IQSEC2: variants seen among roughly 807,000 people sequenced by gnomAD.
IQSEC2 encodes IQ motif and SEC7 domain-containing protein 2.
A neutral mutation model predicts 74.6 loss-of-function variants in IQSEC2; 6 were observed. The observed-to-expected ratio is 0.08, with a 90% confidence interval of 0.04 to 0.16. IQSEC2 has a LOEUF of 0.16. Ranked by LOEUF, IQSEC2 falls within the 10% of genes least tolerant of loss-of-function variation. IQSEC2 has a pLI of 1.00. For missense variants in IQSEC2, 734 were observed against 1,306.2 expected (o/e 0.56, Z 6.75); for synonymous variants, 494 against 544.5 (o/e 0.91, Z 1.29).
At chrX:53,251,433 A>C (rs1209262636) in intron 4 of IQSEC2, among the ~76,000 whole-genome samples, 1 of 110,746 alleles carries the variant, frequency 9.0e-6, no homozygotes, top group Admixed American at 9.5e-5. Flanking sequence ...CTCACACCCC[A>C]ATACCTCCTT....
intron 2 of IQSEC2, among the ~76,000 whole-genome samples, chrX:53,274,651 C>T (rs949052024): frequency 4.6e-5 from 5 of 108,238 alleles, no homozygotes; most frequent in Non-Finnish European, 7.6e-5. Flanking sequence ...TTACTAGAGA[C>T]GGAGTTTCAC....
intron 1 of IQSEC2, among the ~76,000 whole-genome samples, chrX:53,292,397 C>T (rs1026665056): frequency 1.8e-5 from 2 of 111,979 alleles, no homozygotes; most frequent in Admixed American, 9.5e-5. Context: ...TCAGTCTCCC[C>T]GTTTGTGACA....
chrX:53,242,727 C>T (rs1204589168), intron 9 of IQSEC2, among the ~76,000 whole-genome samples: 1 of 110,689 alleles, frequency 9.0e-6, no homozygotes, highest in Admixed American at 9.5e-5. Context: ...TTGGCTAAAG[C>T]GTTTTCTTTT....
intron 1 of IQSEC2, among the ~76,000 whole-genome samples, chrX:53,309,965 G>T (rs1556877630): frequency 9.0e-6 from 1 of 111,322 alleles, no homozygotes; most frequent in East Asian, 2.8e-4. Context: ...CATTGTCCAT[G>T]GGAGATTTCA....
intron 3 of IQSEC2, 51 bp from the exon 4 acceptor site, chrX:53,254,982 A>G: frequency 8.7e-7 from 1 of 1,143,815 alleles, no homozygotes; most frequent in East Asian, 3.0e-5. Context: ...TGGCAGCCTC[A>G]TCTCCCTAGG....
intron 2 of IQSEC2, among the ~76,000 whole-genome samples, chrX:53,275,613 TA>T (rs781884367): frequency 2.7e-4 from 30 of 112,151 alleles, no homozygotes; most frequent in African/African-American, 9.7e-4. Context: ...AGTTTGTGTC[TA>T]AACTCTCTAT....
rs372283010 is a variant in IQSEC2, at chrX:53,248,923, G to A, written c.2298-41C>T. ...AGGTAGATGAGATGACTGTCCTCCT[G>A]GAACTGTGCTCTCTGTCTCATTTGT... On this transcript the variant is annotated intron_variant, in intron 5 of 14. Coordinates refer to ENST00000642864, the MANE Select transcript of IQSEC2 (RefSeq NM_001111125.3). 3.1e-5 allele frequency: 36 copies of A among 1,171,830 alleles called. No homozygotes were observed. In the African/African-American group the frequency reaches 6.0e-4, roughly 20 times the overall value.
At chrX:53,264,069 C>T (rs1390520312) in intron 2 of IQSEC2, among the ~76,000 whole-genome samples, 1 of 112,391 alleles carries the variant, frequency 8.9e-6, no homozygotes, top group Non-Finnish European at 1.9e-5. Flanking sequence ...GCTTAAAAGC[C>T]ACCCACACCC....
intron 2 of IQSEC2, chrX:53,266,990 T>C (rs781829948): frequency 8.7e-7 from 1 of 1,154,364 alleles, no homozygotes; most frequent in South Asian, 1.9e-5. Context: ...ACTACTGCAC[T>C]CGGAGGCCGG....
At chrX:53,279,789 G>A in intron 2 of IQSEC2, 1 of 489,639 alleles carries the variant, frequency 2.0e-6, no homozygotes, top group Non-Finnish European at 3.6e-6. Flanking sequence ...GGGAGGAATG[G>A]AGGATGGGAA....
At chrX:53,279,360 T>A in intron 2 of IQSEC2, 1 of 404,675 alleles carries the variant, frequency 2.5e-6, no homozygotes, top group Non-Finnish European at 4.3e-6. Context: ...TAGGGAAGGA[T>A]TTTTTTAAGG....
downstream of IQSEC2, chrX:53,227,484 A>T: frequency 3.4e-6 from 1 of 291,608 alleles, no homozygotes; most frequent in Non-Finnish European, 6.0e-6. Flanking sequence ...GGGAAAAGGG[A>T]GCTGCTGGGG....
At chrX:53,314,550 G>A (rs782520301) in intron 1 of IQSEC2, among the ~76,000 whole-genome samples, 1 of 111,729 alleles carries the variant, frequency 9.0e-6, no homozygotes, top group Admixed American at 9.5e-5. Context: ...GTCCAGCCTG[G>A]GAACTGGGTA....
chrX:53,257,367 TC>T (rs1324374795), intron 2 of IQSEC2, among the ~76,000 whole-genome samples: 1 of 112,585 alleles, frequency 8.9e-6, no homozygotes, highest in Non-Finnish European at 1.9e-5. Flanking sequence ...CGAGGCCCGG[TC>T]CCGGGCTGCA....
intron 2 of IQSEC2, among the ~76,000 whole-genome samples, chrX:53,271,048 A>AT: frequency 9.0e-6 from 1 of 111,361 alleles, no homozygotes; most frequent in African/African-American, 3.3e-5. Flanking sequence ...CTACCAAAAA[A>AT]AAAATAAAAT....
Position 53,234,623 on chromosome X carries a change from G to A in IQSEC2, c.4063C>T (p.Pro1355Ser), listed in dbSNP as rs1340127753. The change falls in exon 15 of 15, where the codon CCA (proline) becomes TCA (serine). Residue 1355 changes from proline (P) to serine (S), a missense_variant. By Grantham distance (74) the Pro-to-Ser change is moderately conservative. This residue lies in a region of IQSEC2 where 249 missense variants were observed against 467.9 expected (regional missense o/e 0.53). Transcript: ENST00000642864. ...RGAGGHPQFA[P>S]HGRHPLHQPT... ...TGGTGCAGGGGGTGGCGGCCATGTGGAGCAAACTGAGGGTGTCCTCCAGCC... is the reference window on the plus strand; with the variant it reads ...TGGTGCAGGGGGTGGCGGCCATGTGAAGCAAACTGAGGGTGTCCTCCAGCC... The A allele has an allele frequency of 2.6e-6, 3 of 1,137,111 alleles. No individual in the cohort carries two copies. Among genetic ancestry groups the A allele is most frequent in the Non-Finnish European group, 3.5e-6 (3 of 857,589 alleles). 93.7% of individuals were successfully genotyped at this position (1,137,111 alleles called of 1,213,427 possible). A position where few individuals can be genotyped will look rare whatever the true frequency, so the allele number is the denominator to read the frequency against.
chrX:53,290,304 A>G (rs912875339), intron 2 of IQSEC2, among the ~76,000 whole-genome samples: 9 of 112,345 alleles, frequency 8.0e-5, no homozygotes, highest in African/African-American at 2.9e-4. Flanking sequence ...TAAGTTGTAA[A>G]GGCCCAAATG....
intron 1 of IQSEC2, among the ~76,000 whole-genome samples, chrX:53,298,466 C>T (rs1468787866): frequency 4.5e-5 from 5 of 111,850 alleles, no homozygotes; most frequent in Admixed American, 3.8e-4. Flanking sequence ...ATAAGTCCAA[C>T]GTAATTCCTT....
intron 9 of IQSEC2, 22 bp downstream of exon 9, chrX:53,243,310 T>C: frequency 8.6e-7 from 1 of 1,156,877 alleles, no homozygotes; most frequent in African/African-American, 1.8e-5. Context: ...CTGGCCCCTC[T>C]GCAGCCTCCC....
Sources: gnomAD v4.1 joint callset for allele counts (sites outside exome capture counted in the v4.1 genomes callset) on GRCh38, gnomAD v4.1.1 for gene constraint, gnomAD v4.1.1 regional missense constraint, MANE v1.5 for transcripts, NCBI Gene and HGNC (gene_info 2026-07-23, HGNC 2026-07-21) for gene names.